The following PARD3 variants were observed in gnomAD, a reference collection of about 807,000 sequenced individuals.
PARD3 encodes partitioning defective 3 homolog.
A neutral mutation model predicts 155.4 loss-of-function variants in PARD3; 75 were observed. The ratio of observed to expected loss-of-function variants is 0.48; its 90% CI spans 0.40 to 0.58. PARD3 has a LOEUF of 0.58. PARD3 is among the 20% of genes least tolerant of loss of function. The pLI is 0.00. For missense variants in PARD3, 1,642 were observed against 1,721.7 expected (o/e 0.95, Z 0.82); for synonymous variants, 576 against 610.5 (o/e 0.94, Z 0.83).
chr10:34,635,982 C>T (rs755896637), intron 2 of PARD3, among the ~76,000 whole-genome samples: 4 of 148,126 alleles, frequency 2.7e-5, no homozygotes, highest in African/African-American at 1.0e-4. Flanking sequence ...TTTTTTTTTA[C>T]GCAAGGATAA....
chr10:34,404,799 C>T (rs576379962), intron 5 of PARD3, among the ~76,000 whole-genome samples: 1 of 152,096 alleles, frequency 6.6e-6, no homozygotes, highest in African/African-American at 2.4e-5. Flanking sequence ...AAAACATCTT[C>T]CTTGGCTGGG....
chr10:34,537,044 C>A (rs2083277771), intron 2 of PARD3, among the ~76,000 whole-genome samples: 1 of 152,202 alleles, frequency 6.6e-6, no homozygotes, highest in Admixed American at 6.5e-5. Flanking sequence ...GCTCTGTCAT[C>A]CTGGCTGTAG....
At chr10:34,666,784 A>ATC (rs1564481361) in intron 2 of PARD3, among the ~76,000 whole-genome samples, 46 of 88,832 alleles carry the variant, frequency 5.2e-4, no homozygotes, top group African/African-American at 2.8e-3. Context: ...CCCTAAAAAA[A>ATC]AAAAAAAAAA....
chr10:34,692,517 T>C (rs932301835), intron 2 of PARD3, among the ~76,000 whole-genome samples: 1 of 151,978 alleles, frequency 6.6e-6, no homozygotes, highest in Non-Finnish European at 1.5e-5. Context: ...CCAACAAAGG[T>C]TGAATATCCA....
chr10:34,811,511 G>A (rs1844174637), intron 1 of PARD3, among the ~76,000 whole-genome samples: 1 of 152,024 alleles, frequency 6.6e-6, no homozygotes, highest in South Asian at 2.1e-4. Context: ...CACCAACCAA[G>A]CCCAGTTCAA....
intron 1 of PARD3, among the ~76,000 whole-genome samples, chr10:34,777,148 G>T (rs562122298): frequency 6.6e-6 from 1 of 151,974 alleles, no homozygotes; most frequent in South Asian, 2.1e-4. Flanking sequence ...ACCATGCCTG[G>T]CCTTCAGTAG....
At position 34,651,049 on chromosome 10, in the gene PARD3, A is replaced by G. The variant is rs138908527; in HGVS notation, c.222+45269T>C. ...AAAAAAAAAAAAAAAAAAAAAAAAAAGGCAGTACACTGGCTCACACTTTGG... is the reference window on the plus strand; with the variant it reads ...AAAAAAAAAAAAAAAAAAAAAAAAAGGGCAGTACACTGGCTCACACTTTGG... On this transcript the variant is annotated intron_variant, in intron 2 of 24. Coordinates refer to ENST00000374788, the MANE Select transcript of PARD3 (RefSeq NM_001184785.2). 4.3e-3 allele frequency among the ~76,000 whole-genome samples: 548 copies of G among 128,860 alleles called. 6 individuals carry two copies. Among genetic ancestry groups the G allele is most frequent in the Non-Finnish European group, 5.9e-3 (359 of 60,654 alleles). The allele number at this position is 128,860 out of a possible 152,430, so 84.5% of individuals were successfully genotyped here. A position where few individuals can be genotyped will look rare whatever the true frequency, so the allele number is the denominator to read the frequency against.
intron 2 of PARD3, among the ~76,000 whole-genome samples, chr10:34,649,848 T>C (rs1334723774): frequency 6.6e-6 from 1 of 152,240 alleles, no homozygotes; most frequent in Non-Finnish European, 1.5e-5. Flanking sequence ...AAATATTTCC[T>C]TTCTATCCTT....
chr10:34,421,034 G>T (rs1217904312), intron 5 of PARD3, among the ~76,000 whole-genome samples: 2 of 152,022 alleles, frequency 1.3e-5, no homozygotes, highest in Non-Finnish European at 2.9e-5. Flanking sequence ...AATCAGCCAA[G>T]CATGGTGGTG....
intron 1 of PARD3, among the ~76,000 whole-genome samples, chr10:34,740,159 C>A (rs977920336): frequency 1.3e-5 from 2 of 152,192 alleles, no homozygotes; most frequent in Non-Finnish European, 2.9e-5. Flanking sequence ...CACTTCAAGA[C>A]GAAAAAGAGG....
intron 12 of PARD3, among the ~76,000 whole-genome samples, chr10:34,360,845 A>G (rs1286258910): frequency 1.3e-5 from 2 of 152,238 alleles, no homozygotes; most frequent in Non-Finnish European, 2.9e-5. Context: ...ACTTTTCCAC[A>G]ATATTGTAGC....
chr10:34,630,733 T>C (rs1222115481), intron 2 of PARD3, among the ~76,000 whole-genome samples: 2 of 152,120 alleles, frequency 1.3e-5, no homozygotes, highest in Non-Finnish European at 2.9e-5. Flanking sequence ...CATGAGCCAC[T>C]GCACCTGGCA....
chr10:34,151,892 G>A (rs968363341), intron 22 of PARD3, among the ~76,000 whole-genome samples: 7 of 151,958 alleles, frequency 4.6e-5, no homozygotes, highest in African/African-American at 1.7e-4. Context: ...ACCACAAGAC[G>A]GCTTTAAATA....
At chr10:34,490,653 T>C (rs541164075) in intron 3 of PARD3, among the ~76,000 whole-genome samples, 4 of 152,332 alleles carry the variant, frequency 2.6e-5, no homozygotes, top group East Asian at 1.9e-4. Context: ...GTTTAGTCAA[T>C]TTAAGATAAT....
chr10:34,345,087 T>C, intron 15 of PARD3: 3 of 983,496 alleles, frequency 3.1e-6, no homozygotes, highest in Non-Finnish European at 3.6e-6. Context: ...TTGATACTAA[T>C]AAAGAATGAA....
chr10:34,425,571 C>G (rs904377788), intron 5 of PARD3, among the ~76,000 whole-genome samples: 2 of 151,966 alleles, frequency 1.3e-5, no homozygotes, highest in African/African-American at 4.8e-5. Flanking sequence ...AACTTTTTTA[C>G]TCTTTGTAGA....
At chr10:34,491,922 C>A (rs762941351) in intron 3 of PARD3, among the ~76,000 whole-genome samples, 2 of 152,028 alleles carry the variant, frequency 1.3e-5, no homozygotes, top group Non-Finnish European at 2.9e-5. Context: ...AAAATGAAAA[C>A]AAGAAAAAGC....
intron 22 of PARD3, among the ~76,000 whole-genome samples, chr10:34,230,399 C>A (rs904661661): frequency 6.6e-6 from 1 of 152,086 alleles, no homozygotes; most frequent in Non-Finnish European, 1.5e-5. Flanking sequence ...TAAACTCACA[C>A]TGGTAAAGTT....
intron 1 of PARD3, among the ~76,000 whole-genome samples, chr10:34,740,483 C>T (rs964490192): frequency 2.0e-5 from 3 of 152,232 alleles, no homozygotes; most frequent in African/African-American, 7.2e-5. Flanking sequence ...TCACTGTGCC[C>T]GTTCCAACAA....
Sources: gnomAD v4.1 joint callset for allele counts (sites outside exome capture counted in the v4.1 genomes callset) on GRCh38, gnomAD v4.1.1 for gene constraint, MANE v1.5 for transcripts, NCBI Gene and HGNC (gene_info 2026-07-23, HGNC 2026-07-21) for gene names.